Variants in DLGAP2 observed in about 807,000 individuals in gnomAD.
DLGAP2 encodes the protein disks large-associated protein 2.
A neutral mutation model predicts 100.3 loss-of-function variants in DLGAP2; 26 were observed. The ratio of observed to expected loss-of-function variants is 0.26; its 90% CI spans 0.19 to 0.36. The LOEUF is 0.36. Ranked by LOEUF, DLGAP2 falls within the 10% of genes least tolerant of loss-of-function variation. The pLI is 1.00. For missense variants in DLGAP2, 1,858 were observed against 1,453.2 expected, an observed-to-expected ratio of 1.28 and a Z score of -4.53; for synonymous variants, 886 against 630.1, an observed-to-expected ratio of 1.41 and a Z score of -6.08.
chr8:1,565,923 C>G (rs1437347056), intron 6 of DLGAP2, 29 bp downstream of exon 6: 2 of 1,550,678 alleles, frequency 1.3e-6, no homozygotes, highest in Non-Finnish European at 8.7e-7. Flanking sequence ...CTTCCCACTC[C>G]AAGCACTTTC....
chr8:1,050,668 C>G (rs897737680), intron 2 of DLGAP2, among the ~76,000 whole-genome samples: 3 of 152,186 alleles, frequency 2.0e-5, no homozygotes, highest in African/African-American at 7.2e-5. Flanking sequence ...ACCCAGTCTC[C>G]TCATCTTGAC....
intron 2 of DLGAP2, among the ~76,000 whole-genome samples, chr8:1,241,094 ACATGGCGCCGTGTCTGGTTCTCTCG>A (rs1415142769): frequency 1.2e-5 from 1 of 83,918 alleles, no homozygotes; most frequent in Non-Finnish European, 2.2e-5. Flanking sequence ...TAGTTCTCTC[ACATGGCGCCGTGTCTGGTTCTCTCG>A]CATGGCGCCG....
At chr8:1,351,906 C>A (rs150810207) in intron 3 of DLGAP2, among the ~76,000 whole-genome samples, 4 of 49,348 alleles carry the variant, frequency 8.1e-5, no homozygotes, top group Non-Finnish European at 8.1e-5. Context: ...CGGGTCCTGA[C>A]TGTGGAAAGG....
intron 2 of DLGAP2, among the ~76,000 whole-genome samples, chr8:913,473 T>C (rs577167428): frequency 6.6e-6 from 1 of 152,344 alleles, no homozygotes; most frequent in African/African-American, 2.4e-5. Context: ...TGAGCGTATA[T>C]GTTGAAATGA....
chr8:1,352,737 G>A (rs1445304944), intron 3 of DLGAP2, among the ~76,000 whole-genome samples: 1 of 152,110 alleles, frequency 6.6e-6, no homozygotes. Flanking sequence ...GCTGTGCCCT[G>A]CAAATGCATT....
intron 3 of DLGAP2, chr8:1,301,246 C>T (rs923558159): frequency 6.6e-6 from 1 of 152,278 alleles, no homozygotes; most frequent in Non-Finnish European, 1.5e-5. Context: ...CCTGAGCCCT[C>T]CTGCAGGACC....
At chr8:1,084,065 T>C (rs896421676) in intron 2 of DLGAP2, among the ~76,000 whole-genome samples, 1 of 152,230 alleles carries the variant, frequency 6.6e-6, no homozygotes, top group Non-Finnish European at 1.5e-5. Context: ...TCTCATTGTT[T>C]GGTCACATTT....
At chr8:1,293,149 G>A (rs1800098039) in intron 3 of DLGAP2, among the ~76,000 whole-genome samples, 1 of 152,108 alleles carries the variant, frequency 6.6e-6, no homozygotes, top group Middle Eastern at 3.2e-3. Context: ...ATCCCTCCCT[G>A]TCTCCCCCTC....
chr8:879,120 A>G (rs995168738), intron 1 of DLGAP2, among the ~76,000 whole-genome samples: 10 of 152,182 alleles, frequency 6.6e-5, no homozygotes, highest in Non-Finnish European at 1.5e-5. Flanking sequence ...GACAAATGCC[A>G]TCTAAAATCT....
intron 8 of DLGAP2, among the ~76,000 whole-genome samples, chr8:1,667,683 C>T (rs1012219445): frequency 7.9e-5 from 12 of 152,240 alleles, no homozygotes; most frequent in Non-Finnish European, 1.2e-4. Context: ...GACCTCTTCT[C>T]ACACACAGGT....
chr8:977,210 G>T (rs1293740974), intron 2 of DLGAP2, among the ~76,000 whole-genome samples: 1 of 152,196 alleles, frequency 6.6e-6, no homozygotes, highest in African/African-American at 2.4e-5. Context: ...CCCTACAGTG[G>T]GCAGAGACCC....
intron 1 of DLGAP2, chr8:822,184 G>C (rs1229929127): frequency 2.5e-6 from 1 of 399,430 alleles, no homozygotes; most frequent in East Asian, 3.6e-5. Flanking sequence ...CCACAATGGG[G>C]ACTGCTCAGG....
intron 2 of DLGAP2, among the ~76,000 whole-genome samples, chr8:1,191,315 CA>C (rs1458855630): frequency 6.6e-6 from 1 of 151,744 alleles, no homozygotes; most frequent in African/African-American, 2.4e-5. Flanking sequence ...GGACTACAGG[CA>C]CCCGCCACCA....
At chr8:1,085,753 T>C (rs1019339784) in intron 2 of DLGAP2, among the ~76,000 whole-genome samples, 1 of 152,192 alleles carries the variant, frequency 6.6e-6, no homozygotes, top group East Asian at 1.9e-4. Flanking sequence ...ATATTTGAGG[T>C]TTTTTGTGGT....
At chr8:1,563,164 C>T (rs570380052) in intron 5 of DLGAP2, among the ~76,000 whole-genome samples, 122 of 56,944 alleles carry the variant, frequency 2.1e-3, no homozygotes, top group African/African-American at 8.5e-3. Flanking sequence ...GTCCGCGCCT[C>T]GTTACTGGGG....
intron 1 of DLGAP2, chr8:822,153 C>G (rs1563049876): frequency 2.5e-6 from 1 of 399,736 alleles, no homozygotes; most frequent in Middle Eastern, 6.3e-4. Flanking sequence ...GCTGCTAACC[C>G]TCTGCCTGCG....
intron 6 of DLGAP2, among the ~76,000 whole-genome samples, chr8:1,596,404 G>A (rs1004543523): frequency 6.6e-6 from 1 of 152,140 alleles, no homozygotes; most frequent in Admixed American, 6.5e-5. Flanking sequence ...GGGATTGCTG[G>A]GTCAAATTGT....
intron 2 of DLGAP2, among the ~76,000 whole-genome samples, chr8:1,219,503 C>T (rs1798276153): frequency 6.6e-6 from 1 of 152,118 alleles, no homozygotes; most frequent in African/African-American, 2.4e-5. Flanking sequence ...TAATGTGCTG[C>T]TGGATTTGAT....
At position 1,277,232 on chromosome 8, in the gene DLGAP2, CAT is replaced by C. The variant is rs140997159; in HGVS notation, c.106+18350_106+18351del. Among the ~76,000 whole-genome samples, 1,424 of 152,296 alleles carry C rather than the reference CAT, an allele frequency of 9.4e-3. 23 individuals carry two copies. Among genetic ancestry groups the C allele is most frequent in the African/African-American group, 0.032 (1,325 of 41,542 alleles). On this transcript the variant is annotated intron_variant, in intron 3 of 14. Transcript: ENST00000637795. Reference sequence around the variant, plus strand: ...TTTGGAACCCAGGAGTGACTTATAACATGTGCTTCTTCCCCATTCTGAAGTGG... The same window carrying C: ...TTTGGAACCCAGGAGTGACTTATAACGTGCTTCTTCCCCATTCTGAAGTGG...
Sources: allele counts gnomAD v4.1 joint callset (sites outside exome capture counted in the v4.1 genomes callset), GRCh38; gene constraint gnomAD v4.1.1; transcripts MANE v1.5; gene names NCBI Gene and HGNC (gene_info 2026-07-23, HGNC 2026-07-21).